Variants in MARF1 observed in about 807,000 individuals in gnomAD.
MARF1 encodes meiosis regulator and mRNA stability factor 1, also known as limkain-b1.
Under a neutral mutation model 168.2 loss-of-function variants are expected in MARF1, and 24 were observed. The ratio of observed to expected loss-of-function variants is 0.14; its 90% CI spans 0.10 to 0.20. The LOEUF (loss-of-function observed/expected upper bound fraction) is 0.20, where lower values mean the gene tolerates loss of function less well. MARF1 is among the 10% of genes least tolerant of loss of function. The pLI is 1.00. For missense variants in MARF1, 1,744 were observed against 2,143.6 expected (o/e 0.81, Z 3.68); for synonymous variants, 868 against 822.4 (o/e 1.06, Z -0.95).
At position 15,596,673 on chromosome 16, in the gene MARF1, T is replaced by C; in HGVS notation, c.*20A>G. ...ATCAGACAGTGTTTTCCCATCCTAA[T>C]TCTATATTCCAAATGGGAGTTAAAG... On this transcript the variant is annotated 3_prime_UTR_variant, in exon 27 of 27. Coordinates refer to ENST00000396368, the MANE Select transcript of MARF1 (RefSeq NM_014647.4). 6.4e-7 allele frequency: 1 copy of C among 1,557,406 alleles called. No homozygotes were observed. Among genetic ancestry groups the C allele is most frequent in the Non-Finnish European group, 8.7e-7 (1 of 1,147,100 alleles).
chr16:15,615,731 C>CCATGGCAAA (rs1287819361), intron 16 of MARF1, 99 bp downstream of exon 16: 1 of 907,230 alleles, frequency 1.1e-6, no homozygotes, highest in African/African-American at 1.7e-5. Context: ...TGTTTTCACA[C>CCATGGCAAA]TTGGCAAATT....
intron 23 of MARF1, 143 bp from the exon 24 acceptor site, chr16:15,600,844 T>C: frequency 1.2e-6 from 1 of 838,478 alleles, no homozygotes; most frequent in Non-Finnish European, 2.0e-6. Flanking sequence ...GTTTCTCTAC[T>C]CTCTCCTTAG....
Position 15,624,909 on chromosome 16 carries a change from G to C in MARF1, c.2130C>G (p.Ala710=), listed in dbSNP as rs781139485. ...KTSQKKENLS[A]RSVTSSPVEK... ...CTACAGGAGAACTGGTAACACTTCG[G>C]GCACTGAGGTTCTCCTTTCTAACAG... Residue 710 remains alanine (A), a synonymous_variant, in exon 10 of 27, where the codon GCC becomes GCG. Coordinates refer to ENST00000396368, the MANE Select transcript of MARF1 (RefSeq NM_014647.4). 17 of 1,613,968 alleles carry C rather than the reference G, an allele frequency of 1.1e-5. No homozygotes were observed. The Admixed American group carries it at 2.3e-4, about 22-fold the overall frequency.
intron 12 of MARF1, 113 bp from the exon 13 acceptor site, chr16:15,620,644 C>A: frequency 1.5e-6 from 1 of 649,832 alleles, no homozygotes. Flanking sequence ...TTACGGATTT[C>A]TGGTATGTCA....
intron 13 of MARF1, among the ~76,000 whole-genome samples, chr16:15,618,748 C>G (rs1003216642): frequency 6.6e-6 from 1 of 152,204 alleles, no homozygotes; most frequent in African/African-American, 2.4e-5. Flanking sequence ...GAGCCTACTT[C>G]TCTCCCAAAG....
At chr16:15,610,359 T>C (rs1174211343) in intron 19 of MARF1, 2 of 153,008 alleles carry the variant, frequency 1.3e-5, no homozygotes, top group Non-Finnish European at 2.9e-5. Flanking sequence ...CACCCCTTGG[T>C]GTTCTCAAGG....
Position 15,602,396 on chromosome 16 carries a change from TAAAG to T in MARF1, c.4414-197_4414-194del, listed in dbSNP as rs777974858. 2.4e-5 allele frequency: 15 copies of T among 614,442 alleles called. 1 individual carries two copies. The highest frequency in any genetic ancestry group is 6.0e-5 in the South Asian group (3 of 49,762). The allele number at this position is 614,442 out of a possible 1,614,324, so 38.1% of individuals were successfully genotyped here. A position where few individuals can be genotyped will look rare whatever the true frequency, so the allele number is the denominator to read the frequency against. On this transcript the variant is annotated intron_variant, in intron 22 of 26. Coordinates refer to ENST00000396368, the MANE Select transcript of MARF1 (RefSeq NM_014647.4). ...ACGAAGAAGAAGGAGACGACAAAGA[TAAAG>T]AAGACAACAACAAAGAAGATGAAGA...
intron 16 of MARF1, among the ~76,000 whole-genome samples, 200 bp from the exon 17 acceptor site, chr16:15,612,977 T>C (rs2033703749): frequency 6.6e-6 from 1 of 152,172 alleles, no homozygotes; most frequent in African/African-American, 2.4e-5. Flanking sequence ...TCACGGGCTG[T>C]CAAATGCTGT....
chr16:15,630,222 C>G (rs2035157497), intron 7 of MARF1, 110 bp downstream of exon 7: 1 of 926,402 alleles, frequency 1.1e-6, no homozygotes, highest in Non-Finnish European at 1.6e-6. Flanking sequence ...TAACCCACCT[C>G]TTACAAAGAA....
chr16:15,603,049 GA>G (rs1395607558), intron 22 of MARF1, among the ~76,000 whole-genome samples: 14 of 152,218 alleles, frequency 9.2e-5, no homozygotes, highest in African/African-American at 3.4e-4. Context: ...GCTGGACAGG[GA>G]AAGTCCTTTG....
intron 25 of MARF1, chr16:15,599,251 T>C (rs2032152147): frequency 1.8e-6 from 1 of 570,406 alleles, no homozygotes; most frequent in Non-Finnish European, 3.1e-6. Context: ...TGAAGATCCG[T>C]GTTCTTAGGA....
intron 1 of MARF1, among the ~76,000 whole-genome samples, chr16:15,639,959 A>G (rs2035843443): frequency 6.6e-6 from 1 of 152,198 alleles, no homozygotes; most frequent in South Asian, 2.1e-4. Flanking sequence ...TGAGAGAGGT[A>G]GCCATATCTT....
chr16:15,613,199 A>G (rs1181676998), intron 16 of MARF1, among the ~76,000 whole-genome samples: 1 of 152,222 alleles, frequency 6.6e-6, no homozygotes, highest in Non-Finnish European at 1.5e-5. Flanking sequence ...ATTAATCCAT[A>G]GTGGAGCTGA....
Position 15,622,926 on chromosome 16 carries a change from A to G in MARF1, c.2460+8T>C. ...ATAACAAAGCAAGCACAAGAGGGAA[A>G]AAGTTACCTTGCCATGCCTGGCAAA... On this transcript the variant is annotated splice_region_variant and intron_variant, in intron 11 of 26. Coordinates refer to ENST00000396368, the MANE Select transcript of MARF1 (RefSeq NM_014647.4). 1 of 1,563,084 alleles carries G rather than the reference A, an allele frequency of 6.4e-7. No homozygotes were observed. Among genetic ancestry groups the G allele is most frequent in the South Asian group, 1.1e-5 (1 of 87,360 alleles).
intron 16 of MARF1, among the ~76,000 whole-genome samples, chr16:15,614,990 A>C (rs938707380): frequency 6.6e-6 from 1 of 152,074 alleles, no homozygotes; most frequent in Non-Finnish European, 1.5e-5. Flanking sequence ...CATGTTGGCC[A>C]GGCTGGTCTT....
intron 2 of MARF1, 78 bp downstream of exon 2, chr16:15,639,012 T>A: frequency 1.4e-6 from 2 of 1,428,872 alleles, no homozygotes; most frequent in Non-Finnish European, 1.9e-6. Flanking sequence ...GATGAGAGAC[T>A]GTATCCCAGA....
chr16:15,634,703 T>C (rs967467092), intron 4 of MARF1, 54 bp downstream of exon 4: 1 of 1,509,524 alleles, frequency 6.6e-7, no homozygotes, highest in South Asian at 1.2e-5. Context: ...AATGTTAGTA[T>C]GAGATATTGA....
intron 25 of MARF1, 148 bp from the exon 26 acceptor site, chr16:15,599,172 A>AAAC: frequency 1.3e-6 from 1 of 779,306 alleles, no homozygotes; most frequent in Non-Finnish European, 2.0e-6. Context: ...AAAAAAAAAA[A>AAAC]AAACAAAAAC....
intron 7 of MARF1, among the ~76,000 whole-genome samples, chr16:15,628,811 C>T (rs2035050184): frequency 6.6e-6 from 1 of 152,032 alleles, no homozygotes. Flanking sequence ...ACACCTGGGA[C>T]TCAAAACCCA....
Sources: gnomAD v4.1 joint callset for allele counts (sites outside exome capture counted in the v4.1 genomes callset) on GRCh38, gnomAD v4.1.1 for gene constraint, MANE v1.5 for transcripts, NCBI Gene and HGNC (gene_info 2026-07-23, HGNC 2026-07-21) for gene names.